Variants in DNASE1L3 observed in about 807,000 individuals in gnomAD.
DNASE1L3 encodes deoxyribonuclease gamma.
A neutral mutation model predicts 30.9 loss-of-function variants in DNASE1L3; 27 were observed. The observed-to-expected ratio is 0.87, with a 90% confidence interval of 0.64 to 1.20. DNASE1L3 has a LOEUF of 1.20. Among genes scored for constraint, DNASE1L3 ranks in the 50% most tolerant of loss-of-function variants. The probability of loss-of-function intolerance (pLI) is 0.00; values close to 1 mark genes in which losing one functional copy is unlikely to be tolerated. For missense variants in DNASE1L3, 364 were observed against 378.2 expected, an observed-to-expected ratio of 0.96 and a Z score of 0.31; for synonymous variants, 135 against 138.0, an observed-to-expected ratio of 0.98 and a Z score of 0.15.
chr3:58,202,761 G>C (rs909274638), intron 4 of DNASE1L3, among the ~76,000 whole-genome samples: 2 of 151,852 alleles, frequency 1.3e-5, no homozygotes, highest in Non-Finnish European at 2.9e-5. Flanking sequence ...ACTGAGGCAG[G>C]AGAATCGTTT....
Position 58,195,420 on chromosome 3 carries a change from C to T in DNASE1L3, c.705-1981G>A, listed in dbSNP as rs557108924. On this transcript the variant is annotated intron_variant, in intron 6 of 7. Transcript: ENST00000394549. ...TCAAGTGATCCTCCTGCCTCAGCCTCCCAAGTAGCTGGGATTACAGCATAT... is the reference window on the plus strand; with the variant it reads ...TCAAGTGATCCTCCTGCCTCAGCCTTCCAAGTAGCTGGGATTACAGCATAT... Among the ~76,000 whole-genome samples, 114 of 152,094 alleles carry T rather than the reference C, an allele frequency of 7.5e-4. 3 individuals are homozygous for T. In the South Asian group the frequency reaches 0.022, roughly 30 times the overall value.
intron 4 of DNASE1L3, among the ~76,000 whole-genome samples, chr3:58,202,165 G>T (rs2097401066): frequency 7.0e-6 from 1 of 143,550 alleles, no homozygotes; most frequent in Non-Finnish European, 1.5e-5. Flanking sequence ...TTTTTTTTGA[G>T]ACGGAGTTTC....
At chr3:58,202,600 TCCCACC>T (rs1372494199) in intron 4 of DNASE1L3, among the ~76,000 whole-genome samples, 4 of 151,906 alleles carry the variant, frequency 2.6e-5, no homozygotes, top group Admixed American at 2.6e-4. Context: ...ACTTCTGTAA[TCCCACC>T]ACTTTGGGAG....
At chr3:58,209,786 C>G (rs552602907) in intron 1 of DNASE1L3, among the ~76,000 whole-genome samples, 2 of 152,188 alleles carry the variant, frequency 1.3e-5, no homozygotes, top group Non-Finnish European at 2.9e-5. Flanking sequence ...CAGGGCCTCC[C>G]AAGCTCACAA....
intron 4 of DNASE1L3, among the ~76,000 whole-genome samples, chr3:58,203,694 C>T (rs186365421): frequency 7.9e-5 from 12 of 151,928 alleles, no homozygotes; most frequent in African/African-American, 2.2e-4. Context: ...GAGCTACTTG[C>T]GAGGCTGAGG....
intron 4 of DNASE1L3, among the ~76,000 whole-genome samples, chr3:58,204,140 G>GA (rs1553714098): frequency 9.2e-6 from 1 of 109,158 alleles, no homozygotes; most frequent in Non-Finnish European, 1.9e-5. Flanking sequence ...CATTGCTTAG[G>GA]ATTTTTTTTT....
chr3:58,205,590 T>C, intron 2 of DNASE1L3, 30 bp from the exon 3 acceptor site: 1 of 1,569,922 alleles, frequency 6.4e-7, no homozygotes, highest in South Asian at 1.1e-5. Flanking sequence ...CACTGCATCT[T>C]GAAGAGTAAA....
intron 4 of DNASE1L3, 74 bp from the exon 5 acceptor site, chr3:58,201,183 C>T (rs1383169874): frequency 3.9e-5 from 48 of 1,234,634 alleles, no homozygotes; most frequent in East Asian, 7.4e-5. Flanking sequence ...GGAGGGAAAC[C>T]AGCTGTCCCC....
chr3:58,206,812 A>C (rs868373253), intron 2 of DNASE1L3, among the ~76,000 whole-genome samples: 18 of 152,288 alleles, frequency 1.2e-4, no homozygotes, highest in African/African-American at 3.8e-4. Flanking sequence ...ATGAGATCAG[A>C]TGTGACGCAA....
intron 5 of DNASE1L3, among the ~76,000 whole-genome samples, chr3:58,198,574 C>T (rs944173491): frequency 2.6e-5 from 4 of 152,038 alleles, no homozygotes; most frequent in African/African-American, 9.7e-5. Context: ...CGAGTGCGTA[C>T]CAGGGAGGAT....
intron 4 of DNASE1L3, 117 bp from the exon 5 acceptor site, chr3:58,201,226 C>T (rs1385005901): frequency 1.5e-6 from 1 of 676,910 alleles, no homozygotes; most frequent in Non-Finnish European, 2.4e-6. Flanking sequence ...ATCTGGGTCC[C>T]CAGTTCCCAG....
At chr3:58,193,524 A>G in intron 6 of DNASE1L3, 85 bp from the exon 7 acceptor site, 2 of 1,232,514 alleles carry the variant, frequency 1.6e-6, no homozygotes, top group Non-Finnish European at 2.3e-6. Context: ...GCTGTCTGGA[A>G]TTAACCGAGC....
At chr3:58,210,659 A>G (rs921228183) in intron 1 of DNASE1L3, 107 bp downstream of exon 1, 205 of 1,540,738 alleles carry the variant, frequency 1.3e-4, no homozygotes, top group Non-Finnish European at 1.5e-4. Flanking sequence ...CAGCTTCTAC[A>G]TTCCCCCTAA....
chr3:58,207,450 C>T (rs1427295351), intron 2 of DNASE1L3, among the ~76,000 whole-genome samples: 3 of 77,876 alleles, frequency 3.9e-5, no homozygotes, highest in Admixed American at 2.7e-4. Flanking sequence ...CACCCCCCCC[C>T]CCCCCACCAG....
chr3:58,202,269 C>T (rs2097401137), intron 4 of DNASE1L3, among the ~76,000 whole-genome samples: 1 of 150,252 alleles, frequency 6.7e-6, no homozygotes, highest in South Asian at 2.1e-4. Context: ...CCTCAGCCTC[C>T]CAAGTAACTG....
intron 2 of DNASE1L3, 59 bp downstream of exon 2, chr3:58,208,159 T>C (rs562962960): frequency 1.0e-4 from 160 of 1,539,664 alleles, no homozygotes; most frequent in Non-Finnish European, 1.4e-4. Flanking sequence ...TCCCAGGGGT[T>C]TTCAGATGCC....
intron 4 of DNASE1L3, 56 bp downstream of exon 4, chr3:58,204,713 G>C: frequency 2.7e-6 from 4 of 1,476,776 alleles, no homozygotes; most frequent in Non-Finnish European, 3.8e-6. Flanking sequence ...CAAGGCTGCT[G>C]CGCATTCATG....
At chr3:58,209,583 G>A (rs1575501040) in intron 1 of DNASE1L3, among the ~76,000 whole-genome samples, 1 of 152,108 alleles carries the variant, frequency 6.6e-6, no homozygotes, top group African/African-American at 2.4e-5. Flanking sequence ...GAAGAACAGA[G>A]CCTGCCAGTC....
At chr3:58,196,258 G>A (rs2097397277) in intron 6 of DNASE1L3, among the ~76,000 whole-genome samples, 1 of 151,654 alleles carries the variant, frequency 6.6e-6, no homozygotes, top group South Asian at 2.1e-4. Flanking sequence ...GCTCCAAGAG[G>A]AACAGGCCGG....
Sources: allele counts gnomAD v4.1 joint callset (sites outside exome capture counted in the v4.1 genomes callset), GRCh38; gene constraint gnomAD v4.1.1; transcripts MANE v1.5; gene names NCBI Gene and HGNC (gene_info 2026-07-23, HGNC 2026-07-21).